The following FUT9 variants were observed in gnomAD, a reference collection of about 807,000 sequenced individuals.
FUT9 encodes the protein fucosyltransferase 9.
A neutral mutation model predicts 29.7 loss-of-function variants in FUT9; 15 were observed. The observed-to-expected ratio is 0.51, with a 90% CI of 0.34 to 0.78. The LOEUF is 0.78. Among genes scored for constraint, FUT9 ranks in the 30% least tolerant of loss-of-function variants. FUT9 has a pLI of 0.01. For synonymous variants in FUT9, 169 were observed against 153.7 expected, an observed-to-expected ratio of 1.10 and a Z score of -0.74; for missense variants, 319 against 425.4, an observed-to-expected ratio of 0.75 and a Z score of 2.20.
At chr6:96,194,258 T>C (rs1351949729) in intron 2 of FUT9, among the ~76,000 whole-genome samples, 1 of 152,134 alleles carries the variant, frequency 6.6e-6, no homozygotes, top group East Asian at 1.9e-4. Context: ...CGCCAAAGCA[T>C]GTTGCTAGGC....
intron 1 of FUT9, among the ~76,000 whole-genome samples, chr6:96,032,952 G>T (rs1332426482): frequency 6.6e-6 from 1 of 151,566 alleles, no homozygotes; most frequent in Non-Finnish European, 1.5e-5. Flanking sequence ...GGCCAGATTT[G>T]CATCCTGTTC....
chr6:96,195,329 A>G (rs1403758229), intron 2 of FUT9, among the ~76,000 whole-genome samples: 1 of 152,084 alleles, frequency 6.6e-6, no homozygotes, highest in East Asian at 1.9e-4. Context: ...AATTGGTGTC[A>G]TTTGGTGGCA....
At chr6:96,190,542 A>G (rs969108745) in intron 2 of FUT9, among the ~76,000 whole-genome samples, 1 of 152,130 alleles carries the variant, frequency 6.6e-6, no homozygotes, top group African/African-American at 2.4e-5. Context: ...TTTCACGTAT[A>G]CCAATCAGAT....
Position 96,100,107 on chromosome 6 carries a change from C to A in FUT9, c.-97-13932C>A, listed in dbSNP as rs921983790. ...CATACCCAAGGGAAATCAGAAGGAA[C>A]ATTTGCAATAGCAATGGTCTTACTA... On this transcript the variant is annotated intron_variant, in intron 1 of 2. Coordinates refer to ENST00000302103, the MANE Select transcript of FUT9 (RefSeq NM_006581.4). 6.6e-5 allele frequency among the ~76,000 whole-genome samples: 10 copies of A among 151,970 alleles called. 1 individual carries two copies. The highest frequency in any genetic ancestry group is 6.2e-4 in the South Asian group (3 of 4,824).
intron 2 of FUT9, among the ~76,000 whole-genome samples, chr6:96,194,828 G>GA (rs1270288224): frequency 6.6e-6 from 1 of 152,002 alleles, no homozygotes; most frequent in East Asian, 1.9e-4. Flanking sequence ...AGCTTGTTCT[G>GA]AAAAAATGCC....
chr6:96,018,825 G>A (rs1164875706), intron 1 of FUT9, among the ~76,000 whole-genome samples: 4 of 151,928 alleles, frequency 2.6e-5, no homozygotes, highest in African/African-American at 9.7e-5. Flanking sequence ...GGAAGGGAGA[G>A]ATAGAGAGAA....
chr6:96,170,359 A>T (rs951597301), intron 2 of FUT9, among the ~76,000 whole-genome samples: 12 of 152,186 alleles, frequency 7.9e-5, no homozygotes, highest in Admixed American at 7.9e-4. Flanking sequence ...GAAGTTTAAA[A>T]TAAGTTATAA....
chr6:96,096,684 A>ATG (rs1243489757), intron 1 of FUT9, among the ~76,000 whole-genome samples: 17 of 140,864 alleles, frequency 1.2e-4, no homozygotes, highest in South Asian at 7.0e-4. Context: ...TGTCTAAGGC[A>ATG]TGTGTGTGTG....
chr6:96,049,858 T>C (rs1256456201), intron 1 of FUT9, among the ~76,000 whole-genome samples: 1 of 152,234 alleles, frequency 6.6e-6, no homozygotes, highest in Non-Finnish European at 1.5e-5. Flanking sequence ...TGGGATTAGC[T>C]AACGTGGACT....
intron 2 of FUT9, among the ~76,000 whole-genome samples, chr6:96,164,204 A>G (rs1221842821): frequency 6.6e-6 from 1 of 151,282 alleles, no homozygotes; most frequent in Non-Finnish European, 1.5e-5. Context: ...CCTGGAATCA[A>G]TAGAAGGGAG....
chr6:96,116,023 A>G (rs1469325726), intron 2 of FUT9, among the ~76,000 whole-genome samples: 4 of 152,212 alleles, frequency 2.6e-5, no homozygotes, highest in African/African-American at 7.2e-5. Context: ...GAATGAAAAT[A>G]TAGGCATCAG....
chr6:96,123,395 T>A (rs973180292), intron 2 of FUT9, among the ~76,000 whole-genome samples: 1 of 152,196 alleles, frequency 6.6e-6, no homozygotes, highest in African/African-American at 2.4e-5. Context: ...GGAAGACTGC[T>A]AATATTATAG....
intron 1 of FUT9, among the ~76,000 whole-genome samples, chr6:96,057,153 C>T (rs144862425): frequency 6.6e-6 from 1 of 152,136 alleles, no homozygotes; most frequent in African/African-American, 2.4e-5. Flanking sequence ...GGACATAATC[C>T]CATCAGAAAT....
intron 2 of FUT9, among the ~76,000 whole-genome samples, chr6:96,151,005 C>T (rs1183022629): frequency 2.0e-5 from 3 of 152,066 alleles, no homozygotes; most frequent in East Asian, 1.9e-4. Context: ...AACGTGGCTA[C>T]GGCAAGGAAA....
intron 2 of FUT9, among the ~76,000 whole-genome samples, chr6:96,172,543 C>G (rs1233614972): frequency 1.7e-4 from 26 of 151,844 alleles, no homozygotes; most frequent in Admixed American, 1.7e-3. Flanking sequence ...AAATTTTTGC[C>G]CCTTTCTAGG....
In FUT9 at chr6:96,032,679, A is replaced by T. The variant is rs183476910; in HGVS notation, c.-98+16467A>T. Among the ~76,000 whole-genome samples the T allele has an allele frequency of 7.9e-4, 120 of 151,682 alleles. 1 individual carries two copies. Among genetic ancestry groups the T allele is most frequent in the Admixed American group, 7.7e-3 (117 of 15,192 alleles). ...CTATTGTCTTTACGTGAAAGTAGGC[A>T]GTAAAATTCACCCATATTTCCTTTT... On this transcript the variant is annotated intron_variant, in intron 1 of 2. Coordinates refer to ENST00000302103, the MANE Select transcript of FUT9 (RefSeq NM_006581.4).
chr6:96,188,697 A>G (rs1773449026), intron 2 of FUT9, among the ~76,000 whole-genome samples: 1 of 92,682 alleles, frequency 1.1e-5, no homozygotes, highest in Admixed American at 1.7e-4. Flanking sequence ...CATTTAACAA[A>G]TATATATTAT....
At chr6:96,107,984 C>CATT (rs1771724147) in intron 1 of FUT9, among the ~76,000 whole-genome samples, 1 of 140,782 alleles carries the variant, frequency 7.1e-6, no homozygotes, top group Non-Finnish European at 1.6e-5. Flanking sequence ...CTCATGGCCA[C>CATT]TTTTTTTTTT....
chr6:96,137,489 ACCT>A (rs1772379409), intron 2 of FUT9, among the ~76,000 whole-genome samples: 1 of 152,070 alleles, frequency 6.6e-6, no homozygotes, highest in Admixed American at 6.6e-5. Context: ...GCACATAATA[ACCT>A]CCTCCCAAAT....
Sources: allele counts gnomAD v4.1 joint callset (sites outside exome capture counted in the v4.1 genomes callset), GRCh38; gene constraint gnomAD v4.1.1; transcripts MANE v1.5; gene names NCBI Gene and HGNC (gene_info 2026-07-23, HGNC 2026-07-21).